Variants in PIK3AP1 observed in about 807,000 individuals in gnomAD.
The protein encoded by PIK3AP1 is phosphoinositide 3-kinase adapter protein 1.
Under a neutral mutation model 88.1 loss-of-function variants are expected in PIK3AP1, and 21 were observed. The ratio of observed to expected loss-of-function variants is 0.24; its 90% CI spans 0.17 to 0.34. The LOEUF is 0.34. Ranked by LOEUF, PIK3AP1 falls within the 10% of genes least tolerant of loss-of-function variation. The probability of loss-of-function intolerance (pLI) is 1.00; values close to 1 mark genes in which losing one functional copy is unlikely to be tolerated. For synonymous variants in PIK3AP1, 398 were observed against 400.0 expected, an observed-to-expected ratio of 1.00 and a Z score of 0.06; for missense variants, 828 against 1,035.7, an observed-to-expected ratio of 0.80 and a Z score of 2.75.
At chr10:96,666,191 G>A (rs535754224) in intron 2 of PIK3AP1, among the ~76,000 whole-genome samples, 169 of 152,232 alleles carry the variant, frequency 1.1e-3, no homozygotes, top group Non-Finnish European at 1.5e-3. Flanking sequence ...AGGCCGAGGC[G>A]GGAGGATCAC....
At chr10:96,624,915 C>T (rs934415303) in intron 10 of PIK3AP1, among the ~76,000 whole-genome samples, 1 of 152,208 alleles carries the variant, frequency 6.6e-6, no homozygotes, top group African/African-American at 2.4e-5. Context: ...CGGTTCCCTA[C>T]TCCCTCTGCT....
intron 1 of PIK3AP1, among the ~76,000 whole-genome samples, chr10:96,714,129 G>A (rs1176552948): frequency 3.3e-5 from 5 of 151,690 alleles, no homozygotes; most frequent in Non-Finnish European, 4.4e-5. Context: ...AGCTGAGATC[G>A]TGCCATTGCA....
rs766065143 is a variant in PIK3AP1, at chr10:96,651,658, A to G, written c.713-7T>C. The G allele has an allele frequency of 2.5e-6, 4 of 1,611,800 alleles. No individual in the cohort carries two copies. The highest frequency in any genetic ancestry group is 2.7e-5 in the African/African-American group (2 of 74,698). ...ACGTTCCCAGATGAAAGGTCTGAAC[A>G]GAAGAAAAGACACTATCAAAATTCC... On this transcript the variant is annotated splice_region_variant and splice_polypyrimidine_tract_variant and intron_variant, in intron 4 of 16. Coordinates refer to ENST00000339364, the MANE Select transcript of PIK3AP1 (RefSeq NM_152309.3).
At chr10:96,684,214 G>C (rs1216458684) in intron 2 of PIK3AP1, among the ~76,000 whole-genome samples, 1 of 152,190 alleles carries the variant, frequency 6.6e-6, no homozygotes, top group Non-Finnish European at 1.5e-5. Context: ...AAGACCATTG[G>C]CATAGCTAGT....
At chr10:96,623,770 C>T (rs1253131887) in intron 10 of PIK3AP1, among the ~76,000 whole-genome samples, 3 of 152,106 alleles carry the variant, frequency 2.0e-5, no homozygotes, top group Admixed American at 2.0e-4. Context: ...CATTTACAAG[C>T]TCATTGAAGA....
intron 2 of PIK3AP1, among the ~76,000 whole-genome samples, chr10:96,707,190 A>G (rs570843279): frequency 2.0e-5 from 3 of 152,386 alleles, no homozygotes; most frequent in Admixed American, 2.0e-4. Context: ...GTGAAATAGT[A>G]GAAGAGATCA....
intron 2 of PIK3AP1, among the ~76,000 whole-genome samples, chr10:96,684,089 G>A (rs1844037688): frequency 6.6e-6 from 1 of 152,082 alleles, no homozygotes; most frequent in African/African-American, 2.4e-5. Flanking sequence ...TAGGAGATAG[G>A]GCTGAATTCC....
intron 2 of PIK3AP1, among the ~76,000 whole-genome samples, chr10:96,672,785 G>C (rs1303303201): frequency 6.6e-6 from 1 of 152,184 alleles, no homozygotes; most frequent in African/African-American, 2.4e-5. Context: ...TTTCTTCCAA[G>C]TTCAACCTTC....
intron 8 of PIK3AP1, among the ~76,000 whole-genome samples, chr10:96,643,270 T>C (rs1156933610): frequency 6.6e-6 from 1 of 152,174 alleles, no homozygotes; most frequent in African/African-American, 2.4e-5. Flanking sequence ...ATGCATGGTG[T>C]TGGATAACAA....
chr10:96,678,776 ATTGTAGTCC>A (rs2134261237), intron 2 of PIK3AP1, among the ~76,000 whole-genome samples: 1 of 152,156 alleles, frequency 6.6e-6, no homozygotes, highest in African/African-American at 2.4e-5. Flanking sequence ...TTTTCATGAT[ATTGTAGTCC>A]TTTGTATGTA....
At chr10:96,662,141 T>C (rs915657065) in intron 2 of PIK3AP1, among the ~76,000 whole-genome samples, 1 of 152,216 alleles carries the variant, frequency 6.6e-6, no homozygotes, top group Non-Finnish European at 1.5e-5. Flanking sequence ...AGCAGCATCA[T>C]TCCTAATAGT....
chr10:96,715,106 G>A (rs1408493175), intron 1 of PIK3AP1, among the ~76,000 whole-genome samples: 1 of 152,036 alleles, frequency 6.6e-6, no homozygotes, highest in African/African-American at 2.4e-5. Flanking sequence ...AAATCATGTT[G>A]AGAGTGTGTG....
intron 12 of PIK3AP1, chr10:96,618,681 C>A (rs1347514249): frequency 6.6e-6 from 1 of 152,222 alleles, no homozygotes; most frequent in Non-Finnish European, 1.5e-5. Context: ...GCTTATATCA[C>A]CTAGTCCTCC....
intron 2 of PIK3AP1, among the ~76,000 whole-genome samples, chr10:96,676,831 G>A (rs1387275837): frequency 1.3e-5 from 2 of 152,092 alleles, no homozygotes; most frequent in Admixed American, 6.6e-5. Flanking sequence ...GGAGTTTTAA[G>A]TTTCCGTATT....
chr10:96,651,730 T>A, intron 4 of PIK3AP1, 79 bp from the exon 5 acceptor site: 1 of 1,486,334 alleles, frequency 6.7e-7, no homozygotes, highest in Non-Finnish European at 9.2e-7. Flanking sequence ...ATATACACAC[T>A]CCATCTGAGT....
chr10:96,622,274 C>T (rs978751031), intron 11 of PIK3AP1, among the ~76,000 whole-genome samples: 2 of 152,244 alleles, frequency 1.3e-5, no homozygotes, highest in Non-Finnish European at 2.9e-5. Flanking sequence ...TTTGGAGCTT[C>T]TGGAGAAATA....
chr10:96,646,060 G>A (rs1295803597), intron 7 of PIK3AP1, among the ~76,000 whole-genome samples: 1 of 152,138 alleles, frequency 6.6e-6, no homozygotes, highest in Non-Finnish European at 1.5e-5. Context: ...AGGAGTTCGA[G>A]ACCAGCCTGG....
rs575958847 is a variant in PIK3AP1 at position 96,645,139 on chromosome 10, G to A, written c.1375+334C>T. On this transcript the variant is annotated intron_variant, in intron 8 of 16. Transcript: ENST00000339364. ...TATATAATACATAAACCTCATGTCA[G>A]AGTAGGAAAATGTTTGTTATAAAAA... 3.3e-5 allele frequency among the ~76,000 whole-genome samples: 5 copies of A among 152,288 alleles called. No homozygotes were observed. The East Asian group carries it at 7.7e-4, about 23-fold the overall frequency.
At chr10:96,635,794 A>G (rs917532668) in intron 8 of PIK3AP1, among the ~76,000 whole-genome samples, 1 of 152,188 alleles carries the variant, frequency 6.6e-6, no homozygotes, top group Non-Finnish European at 1.5e-5. Flanking sequence ...GGTCCCAGCC[A>G]CTTGGGAGGC....
Sources: allele counts gnomAD v4.1 joint callset (sites outside exome capture counted in the v4.1 genomes callset), GRCh38; gene constraint gnomAD v4.1.1; transcripts MANE v1.5; gene names NCBI Gene and HGNC (gene_info 2026-07-23, HGNC 2026-07-21).